The following TCF7L2 variants were observed in gnomAD, a reference collection of about 807,000 sequenced individuals.
TCF7L2 encodes transcription factor 7 like 2, also known as transcription factor 7-like 2.
In TCF7L2, 23 loss-of-function variants were observed where a neutral mutation model predicts 77.9. That is an observed-to-expected ratio of 0.30 (90% CI 0.21 to 0.42). The LOEUF (loss-of-function observed/expected upper bound fraction) is 0.42. Ranked by LOEUF, TCF7L2 falls within the 10% of genes least tolerant of loss-of-function variation. TCF7L2 has a pLI of 1.00. For missense variants in TCF7L2, 654 were observed against 793.1 expected, an observed-to-expected ratio of 0.82 and a Z score of 2.11; for synonymous variants, 413 against 340.2, an observed-to-expected ratio of 1.21 and a Z score of -2.36.
chr10:113,119,405 A>C (rs1255390940), intron 5 of TCF7L2, among the ~76,000 whole-genome samples: 1 of 152,194 alleles, frequency 6.6e-6, no homozygotes, highest in Non-Finnish European at 1.5e-5. Flanking sequence ...TTGAGTTTGA[A>C]AGCAAAAGAG....
intron 5 of TCF7L2, among the ~76,000 whole-genome samples, chr10:113,100,447 T>C (rs939612212): frequency 3.9e-5 from 6 of 152,160 alleles, no homozygotes; most frequent in African/African-American, 1.2e-4. Context: ...GGAAACATGA[T>C]GTCACTTCTG....
At chr10:113,057,741 G>T (rs1042329453) in intron 5 of TCF7L2, among the ~76,000 whole-genome samples, 7 of 152,218 alleles carry the variant, frequency 4.6e-5, no homozygotes, top group Non-Finnish European at 7.3e-5. Flanking sequence ...AGAGACTGAG[G>T]CTCAGAGGGA....
intron 4 of TCF7L2, among the ~76,000 whole-genome samples, chr10:112,993,636 C>A (rs2042980327): frequency 6.6e-6 from 1 of 152,184 alleles, no homozygotes; most frequent in African/African-American, 2.4e-5. Flanking sequence ...TGTAAGTTAT[C>A]CCAGCAAGCA....
At chr10:113,119,689 C>T (rs1172009714) in intron 5 of TCF7L2, among the ~76,000 whole-genome samples, 2 of 148,206 alleles carry the variant, frequency 1.3e-5, no homozygotes, top group Non-Finnish European at 3.0e-5. Flanking sequence ...TTTAAAAAAA[C>T]TTATCGAAGG....
chr10:113,132,521 T>A lies in TCF7L2; in HGVS notation c.553-8663T>A, dbSNP rs145463818. On this transcript the variant is annotated intron_variant, in intron 5 of 13. Transcript: ENST00000627217. The stretch of plus-strand genomic sequence containing the variant: ...CCATTATATTTAGGAATCCCTAGAT[T>A]TGGGGTTGTTGTATTTGGTGGCGAG... Among the ~76,000 whole-genome samples, 338 of 152,310 alleles carry A rather than the reference T, an allele frequency of 2.2e-3. 1 individual carries two copies. Among genetic ancestry groups the A allele is most frequent in the African/African-American group, 7.7e-3 (319 of 41,572 alleles).
intron 5 of TCF7L2, among the ~76,000 whole-genome samples, chr10:113,107,752 T>TAAAAAAAAAAAAAA (rs398014821): frequency 5.6e-4 from 31 of 55,252 alleles, no homozygotes; most frequent in East Asian, 2.7e-3. Flanking sequence ...AGACTCCGTC[T>TAAAAAAAAAAAAAA]AAAAAAAAAA....
chr10:113,045,964 G>A (rs2053375158), intron 5 of TCF7L2, among the ~76,000 whole-genome samples: 1 of 152,142 alleles, frequency 6.6e-6, no homozygotes. Flanking sequence ...GGAGAACTAT[G>A]AGTACCTAAT....
intron 4 of TCF7L2, among the ~76,000 whole-genome samples, chr10:112,985,101 A>T (rs538338267): frequency 6.6e-6 from 1 of 152,194 alleles, no homozygotes. Context: ...ACAATGGCCC[A>T]TGCTAAGGAA....
At chr10:112,964,814 G>GTGGT (rs1400096451) in intron 4 of TCF7L2, among the ~76,000 whole-genome samples, 190 bp downstream of exon 4, 1 of 116,108 alleles carries the variant, frequency 8.6e-6, no homozygotes, top group Non-Finnish European at 1.7e-5. Context: ...GGTGGTGGTG[G>GTGGT]GGGGGGGTTG....
rs556394005 is a variant in TCF7L2 at position 113,018,980 on chromosome 10, C to A, written c.451-21045C>A. Among the ~76,000 whole-genome samples, 13 of 152,238 alleles carry A rather than the reference C, an allele frequency of 8.5e-5. No homozygotes were observed. The South Asian group carries it at 2.7e-3, about 32-fold the overall frequency. On this transcript the variant is annotated intron_variant, in intron 4 of 13. Transcript: ENST00000627217. ...GGTGTGATGGTGGAAACCCAAGCAG[C>A]GTCCAGAGGGAGCACAAGAGGGAGG...
intron 4 of TCF7L2, among the ~76,000 whole-genome samples, chr10:113,030,959 G>T (rs1246197865): frequency 6.6e-6 from 1 of 152,182 alleles, no homozygotes; most frequent in Non-Finnish European, 1.5e-5. Flanking sequence ...TGTCTCACCA[G>T]CTCCCTGTCT....
At chr10:113,141,442 G>C in intron 6 of TCF7L2, 126 bp downstream of exon 6, 4 of 1,362,618 alleles carry the variant, frequency 2.9e-6, no homozygotes, top group Admixed American at 2.6e-5. Context: ...TGGTGGGGGG[G>C]CCCCTGTTGC....
chr10:112,965,511 T>C (rs149077561), intron 4 of TCF7L2, among the ~76,000 whole-genome samples: 1 of 152,350 alleles, frequency 6.6e-6, no homozygotes, highest in East Asian at 1.9e-4. Flanking sequence ...TGTTGAGGTC[T>C]AGCTGGAGAG....
intron 5 of TCF7L2, among the ~76,000 whole-genome samples, chr10:113,049,075 A>AT (rs2053949967): frequency 6.6e-6 from 1 of 152,108 alleles, no homozygotes; most frequent in South Asian, 2.1e-4. Flanking sequence ...TGCTATGTCC[A>AT]GTTTACACAT....
chr10:113,137,108 T>G (rs1052151615), intron 5 of TCF7L2, among the ~76,000 whole-genome samples: 1 of 152,306 alleles, frequency 6.6e-6, no homozygotes, highest in Non-Finnish European at 1.5e-5. Context: ...CAAGAGATAT[T>G]AAAATATATG....
chr10:113,062,126 G>A (rs2056551525), intron 5 of TCF7L2, among the ~76,000 whole-genome samples: 1 of 152,186 alleles, frequency 6.6e-6, no homozygotes, highest in Non-Finnish European at 1.5e-5. Flanking sequence ...CAGACATCGT[G>A]TGACTGTGGA....
intron 4 of TCF7L2, among the ~76,000 whole-genome samples, chr10:112,973,914 G>A (rs1013932655): frequency 3.3e-5 from 5 of 152,110 alleles, no homozygotes; most frequent in African/African-American, 1.2e-4. Flanking sequence ...TTGTAGAGAC[G>A]GGTCTCACCT....
At chr10:112,972,566 A>G (rs1282787298) in intron 4 of TCF7L2, among the ~76,000 whole-genome samples, 1 of 152,086 alleles carries the variant, frequency 6.6e-6, no homozygotes, top group Non-Finnish European at 1.5e-5. Context: ...ACCTCCCTGG[A>G]CTAAGGTGAT....
intron 5 of TCF7L2, among the ~76,000 whole-genome samples, chr10:113,103,736 A>T (rs556075867): frequency 6.6e-6 from 1 of 152,260 alleles, no homozygotes; most frequent in African/African-American, 2.4e-5. Context: ...GGGTGTGAGT[A>T]CTGAGAGCAT....
Sources: allele counts gnomAD v4.1 joint callset (sites outside exome capture counted in the v4.1 genomes callset), GRCh38; gene constraint gnomAD v4.1.1; transcripts MANE v1.5; gene names NCBI Gene and HGNC (gene_info 2026-07-23, HGNC 2026-07-21).